The following GCNT2 variants were observed in gnomAD, a reference collection of about 807,000 sequenced individuals.
GCNT2 encodes glucosaminyl (N-acetyl) transferase 2 (I blood group), also known as N-acetyllactosaminide beta-1,6-N-acetylglucosaminyl-transferase.
A neutral mutation model predicts 34.2 loss-of-function variants in GCNT2; 34 were observed. The observed-to-expected ratio is 1.00, with a 90% CI of 0.76 to 1.32. The LOEUF (loss-of-function observed/expected upper bound fraction) is 1.32, where lower values mean the gene tolerates loss of function less well. Ranked by LOEUF, GCNT2 falls within the 40% of genes most tolerant of loss-of-function variation. The probability of loss-of-function intolerance (pLI) is 0.00; values close to 1 mark genes in which losing one functional copy is unlikely to be tolerated. For missense variants in GCNT2, 584 were observed against 489.4 expected, an observed-to-expected ratio of 1.19 and a Z score of -1.82; for synonymous variants, 212 against 188.0, an observed-to-expected ratio of 1.13 and a Z score of -1.04.
chr6:10,588,237 T>A (rs73434931), intron 3 of GCNT2, among the ~76,000 whole-genome samples: 2 of 152,058 alleles, frequency 1.3e-5, no homozygotes, highest in Non-Finnish European at 2.9e-5. Flanking sequence ...GTAGGAGGGG[T>A]GGTGAACCAA....
chr6:10,581,541 A>T (rs527687286), intron 3 of GCNT2, among the ~76,000 whole-genome samples: 4 of 152,252 alleles, frequency 2.6e-5, no homozygotes, highest in African/African-American at 9.6e-5. Context: ...AAATGCTGGG[A>T]TTACCGGCAT....
intron 1 of GCNT2, among the ~76,000 whole-genome samples, chr6:10,525,850 G>A (rs1761156614): frequency 1.3e-5 from 2 of 152,310 alleles, no homozygotes; most frequent in African/African-American, 2.4e-5. Flanking sequence ...CGAAGAGCAG[G>A]CAAATAATTC....
At chr6:10,618,622 C>A (rs148990817) in intron 3 of GCNT2, among the ~76,000 whole-genome samples, 4 of 152,182 alleles carry the variant, frequency 2.6e-5, no homozygotes, top group African/African-American at 4.8e-5. Flanking sequence ...GCTAAGCACA[C>A]AAATGTCGGT....
At chr6:10,563,773 AAAAAATATATATATAT>A (rs1445377653) in intron 3 of GCNT2, among the ~76,000 whole-genome samples, 63 of 41,200 alleles carry the variant, frequency 1.5e-3, no homozygotes, top group African/African-American at 5.6e-3. Context: ...AAAAAAAAAA[AAAAAATATATATATAT>A]ATATATATAT....
chr6:10,607,105 C>T (rs1375079438), intron 3 of GCNT2, among the ~76,000 whole-genome samples: 1 of 151,984 alleles, frequency 6.6e-6, no homozygotes, highest in African/African-American at 2.4e-5. Context: ...CACCACCACA[C>T]CCAGCTAATT....
chr6:10,586,753 C>T (rs750380394), intron 3 of GCNT2: 31 of 1,614,022 alleles, frequency 1.9e-5, no homozygotes, highest in Non-Finnish European at 2.5e-5. Flanking sequence ...ACTTCACCTC[C>T]ACATCAGCTG....
At chr6:10,586,357 T>C in intron 3 of GCNT2, 1 of 1,614,172 alleles carries the variant, frequency 6.2e-7, no homozygotes, top group Non-Finnish European at 8.5e-7. Context: ...CCCCAAAATG[T>C]CTACTGTGTT....
intron 3 of GCNT2, among the ~76,000 whole-genome samples, chr6:10,584,149 C>T (rs1026128624): frequency 1.3e-5 from 2 of 151,828 alleles, no homozygotes; most frequent in Non-Finnish European, 2.9e-5. Context: ...CCTATCTTGG[C>T]GAGGGGAATG....
intron 3 of GCNT2, among the ~76,000 whole-genome samples, chr6:10,605,676 TC>T (rs1765276396): frequency 6.6e-6 from 1 of 152,072 alleles, no homozygotes; most frequent in South Asian, 2.1e-4. Flanking sequence ...AAAGCTAGCG[TC>T]AGGGATAAAA....
At chr6:10,620,687 T>G (rs1245489263) in intron 3 of GCNT2, among the ~76,000 whole-genome samples, 3 of 152,316 alleles carry the variant, frequency 2.0e-5, no homozygotes, top group African/African-American at 7.2e-5. Flanking sequence ...GGCAACTTCT[T>G]CTCTAGTAAT....
intron 3 of GCNT2, among the ~76,000 whole-genome samples, chr6:10,565,673 C>T (rs1332958977): frequency 1.3e-5 from 2 of 152,208 alleles, no homozygotes; most frequent in African/African-American, 4.8e-5. Flanking sequence ...AGAAATCTAC[C>T]TTTCTCTACC....
At chr6:10,560,562 C>A (rs947796566) in intron 3 of GCNT2, among the ~76,000 whole-genome samples, 4 of 152,170 alleles carry the variant, frequency 2.6e-5, no homozygotes, top group Admixed American at 2.0e-4. Context: ...TAGCAAGACC[C>A]TGTGCAGGCA....
At chr6:10,542,396 C>T (rs764816674) in intron 3 of GCNT2, among the ~76,000 whole-genome samples, 1 of 144,294 alleles carries the variant, frequency 6.9e-6, no homozygotes, top group African/African-American at 2.9e-5. Flanking sequence ...AATTTACATA[C>T]CATAAAACTC....
Position 10,585,443 on chromosome 6 carries a change from G to C in GCNT2, c.926-35908G>C, listed in dbSNP as rs146155242. On this transcript the variant is annotated intron_variant, in intron 3 of 4. Transcript: ENST00000495262. ...AGAGAACAGGAAGAGAAAGAAACCA[G>C]AGGAGCCGATATCCTTAAATGCTGT... Among the ~76,000 whole-genome samples, 728 of 152,268 alleles carry C rather than the reference G, an allele frequency of 4.8e-3. 4 individuals carry two copies. The highest frequency in any genetic ancestry group is 0.019 in the South Asian group (91 of 4,820).
At chr6:10,590,628 A>G (rs1200219071) in intron 3 of GCNT2, among the ~76,000 whole-genome samples, 3 of 150,152 alleles carry the variant, frequency 2.0e-5, no homozygotes, top group African/African-American at 4.9e-5. Context: ...ATCTCAGCTC[A>G]CTGCAACCTC....
Position 10,575,125 on chromosome 6 carries a change from T to TA in GCNT2, c.925+45290dup. On this transcript the variant is annotated intron_variant, in intron 3 of 4. Transcript: ENST00000495262. ...TTGATGCCTGCAATGTCACCTTTCT[T>TA]ATAGATTCACATATACGTGGCCAAA... is the stretch of plus-strand genomic sequence containing the variant. 5 of 462,978 alleles carry TA rather than the reference T, an allele frequency of 1.1e-5. No individual in the cohort carries two copies. The South Asian group carries it at 1.1e-4, about 10-fold the overall frequency. The allele number at this position is 462,978 out of a possible 1,614,324, so 28.7% of individuals were successfully genotyped here. A position where few individuals can be genotyped will look rare whatever the true frequency, so the allele number is the denominator to read the frequency against.
rs779226057 is a variant in GCNT2, at chr6:10,586,586, C to T, written c.926-34765C>T. The T allele has an allele frequency of 3.1e-5, 50 of 1,613,988 alleles. No homozygotes were observed. The South Asian group carries it at 5.5e-4, about 18-fold the overall frequency. ...GTGGACAAGACTTCCCCCTGAAAACCAACCGGGAGATAGTTCAGCATCTGA... is the reference window on the plus strand; with the variant it reads ...GTGGACAAGACTTCCCCCTGAAAACTAACCGGGAGATAGTTCAGCATCTGA... On this transcript the variant is annotated intron_variant, in intron 3 of 4. Coordinates refer to ENST00000495262, the MANE Select transcript of GCNT2 (RefSeq NM_145649.5).
intron 3 of GCNT2, chr6:10,555,723 T>C: frequency 1.3e-5 from 13 of 985,310 alleles, no homozygotes; most frequent in Non-Finnish European, 1.6e-5. Flanking sequence ...TCCAGTAAGC[T>C]CTTGTTTTGA....
At chr6:10,581,683 T>C (rs1044805622) in intron 3 of GCNT2, 2 of 878,258 alleles carry the variant, frequency 2.3e-6, no homozygotes, top group African/African-American at 3.6e-5. Flanking sequence ...TTGTTTTGCA[T>C]TGGCACTTAT....
Sources: gnomAD v4.1 joint callset for allele counts (sites outside exome capture counted in the v4.1 genomes callset) on GRCh38, gnomAD v4.1.1 for gene constraint, MANE v1.5 for transcripts, NCBI Gene and HGNC (gene_info 2026-07-23, HGNC 2026-07-21) for gene names.